The following SAMD12 variants were observed in gnomAD, a reference collection of about 807,000 sequenced individuals.
SAMD12 encodes sterile alpha motif domain containing 12.
A neutral mutation model predicts 15.0 loss-of-function variants in SAMD12; 9 were observed. The ratio of observed to expected loss-of-function variants is 0.60; its 90% CI spans 0.36 to 1.05. The LOEUF (loss-of-function observed/expected upper bound fraction) is 1.05. SAMD12 is among the 50% of genes least tolerant of loss of function. SAMD12 has a pLI of 0.01. For missense variants in SAMD12, 230 were observed against 234.2 expected (o/e 0.98, Z 0.12); for synonymous variants, 86 against 90.1 (o/e 0.96, Z 0.25).
chr8:118,245,373 T>G (rs964507149), intron 4 of SAMD12, among the ~76,000 whole-genome samples: 3 of 152,124 alleles, frequency 2.0e-5, no homozygotes, highest in Non-Finnish European at 4.4e-5. Context: ...ACATTAGGCC[T>G]ACCGGTAATA....
At chr8:118,326,283 C>G (rs1347393166) in intron 4 of SAMD12, among the ~76,000 whole-genome samples, 1 of 152,034 alleles carries the variant, frequency 6.6e-6, no homozygotes, top group Non-Finnish European at 1.5e-5. Flanking sequence ...GGTTCCAGGA[C>G]CAGGATTGAC....
chr8:118,203,698 AT>A (rs1326021162), intron 4 of SAMD12, among the ~76,000 whole-genome samples: 2 of 151,720 alleles, frequency 1.3e-5, no homozygotes, highest in Non-Finnish European at 2.9e-5. Context: ...CTTCATTTAC[AT>A]TAGGTATATC....
chr8:118,272,577 T>C (rs563375048), intron 4 of SAMD12, among the ~76,000 whole-genome samples: 2 of 152,350 alleles, frequency 1.3e-5, no homozygotes, highest in African/African-American at 2.4e-5. Flanking sequence ...TGCATCGTCA[T>C]GCTGCAAAAT....
chr8:118,406,211 CT>C (rs374069264), intron 3 of SAMD12, among the ~76,000 whole-genome samples: 353 of 145,524 alleles, frequency 2.4e-3, no homozygotes, highest in East Asian at 0.022. Context: ...ACTATGGATT[CT>C]TTTTTTTTTT....
chr8:118,313,911 A>G (rs1400749411), intron 4 of SAMD12, among the ~76,000 whole-genome samples: 2 of 151,432 alleles, frequency 1.3e-5, no homozygotes, highest in Non-Finnish European at 1.5e-5. Context: ...GTGTGTGTGT[A>G]GAGGGAGAGA....
chr8:118,467,768 G>A (rs533112777), intron 2 of SAMD12, among the ~76,000 whole-genome samples: 5 of 152,278 alleles, frequency 3.3e-5, no homozygotes, highest in Non-Finnish European at 2.9e-5. Context: ...ACAAAAATGC[G>A]GAGTAGATGG....
At chr8:118,549,170 G>C (rs899462311) in intron 2 of SAMD12, among the ~76,000 whole-genome samples, 4 of 152,250 alleles carry the variant, frequency 2.6e-5, no homozygotes, top group East Asian at 3.9e-4. Flanking sequence ...GCTTTGAAGA[G>C]AGCAGTGGTT....
chr8:118,250,417 A>G (rs1412132119), intron 4 of SAMD12, among the ~76,000 whole-genome samples: 1 of 152,178 alleles, frequency 6.6e-6, no homozygotes, highest in Non-Finnish European at 1.5e-5. Context: ...ACACTCAAAT[A>G]GAACCAATCT....
intron 2 of SAMD12, among the ~76,000 whole-genome samples, chr8:118,522,381 T>G (rs552371217): frequency 2.0e-5 from 3 of 152,086 alleles, no homozygotes; most frequent in Non-Finnish European, 4.4e-5. Context: ...CCTAAGCATA[T>G]TGATGCTAGG....
chr8:118,350,358 T>A (rs189937089), intron 4 of SAMD12, among the ~76,000 whole-genome samples: 32 of 152,302 alleles, frequency 2.1e-4, no homozygotes, highest in Admixed American at 4.6e-4. Context: ...CACCAGTGTA[T>A]GTCAATCCTA....
chr8:118,561,952 A>G (rs1167709976), intron 2 of SAMD12, among the ~76,000 whole-genome samples: 1 of 152,234 alleles, frequency 6.6e-6, no homozygotes, highest in Non-Finnish European at 1.5e-5. Context: ...TATTCAGTCC[A>G]CAAATATAGA....
intron 4 of SAMD12, among the ~76,000 whole-genome samples, chr8:118,350,580 A>G (rs1454779236): frequency 2.0e-5 from 3 of 152,202 alleles, no homozygotes; most frequent in Admixed American, 6.5e-5. Context: ...CCTGCCACAG[A>G]GCTTAATTAT....
chr8:118,533,245 C>T (rs746479331), intron 2 of SAMD12, among the ~76,000 whole-genome samples: 41 of 152,174 alleles, frequency 2.7e-4, no homozygotes, highest in Middle Eastern at 3.4e-3. Context: ...TGTAGTTGAG[C>T]GGTTTTGAGT....
chr8:118,337,367 C>T (rs1817135479), intron 4 of SAMD12, among the ~76,000 whole-genome samples: 1 of 151,988 alleles, frequency 6.6e-6, no homozygotes, highest in East Asian at 1.9e-4. Flanking sequence ...TGATTCAGAC[C>T]CCTCCAAAGC....
At chr8:118,284,513 G>A in intron 4 of SAMD12, 1 of 351,126 alleles carries the variant, frequency 2.8e-6, no homozygotes, top group African/African-American at 2.2e-5. Flanking sequence ...TTTCCATCTA[G>A]ACAAAAATGG....
intron 4 of SAMD12, among the ~76,000 whole-genome samples, chr8:118,341,809 T>C (rs954721560): frequency 2.6e-5 from 4 of 152,232 alleles, no homozygotes; most frequent in African/African-American, 4.8e-5. Flanking sequence ...AGTGTCAAAA[T>C]AGTTTAAATT....
At chr8:118,569,990 G>A (rs1167891461) in intron 2 of SAMD12, among the ~76,000 whole-genome samples, 2 of 152,164 alleles carry the variant, frequency 1.3e-5, no homozygotes, top group Non-Finnish European at 2.9e-5. Flanking sequence ...TTTAAGTGAG[G>A]AGTTCCTAAT....
chr8:118,207,821 A>C (rs1190530902), intron 4 of SAMD12, among the ~76,000 whole-genome samples: 1 of 152,122 alleles, frequency 6.6e-6, no homozygotes, highest in Non-Finnish European at 1.5e-5. Context: ...TCTAAGATTC[A>C]CTACTTTAGA....
At chr8:118,335,926 G>T (rs956896609) in intron 4 of SAMD12, among the ~76,000 whole-genome samples, 5 of 152,026 alleles carry the variant, frequency 3.3e-5, no homozygotes, top group African/African-American at 1.2e-4. Context: ...ATAAAGACGG[G>T]GTTGCCCAGG....
Sources: gnomAD v4.1 joint callset for allele counts (sites outside exome capture counted in the v4.1 genomes callset) on GRCh38, gnomAD v4.1.1 for gene constraint, MANE v1.5 for transcripts, NCBI Gene and HGNC (gene_info 2026-07-23, HGNC 2026-07-21) for gene names.